The following HFM1 variants were observed in gnomAD, a reference collection of about 807,000 sequenced individuals.
HFM1 encodes the protein helicase for meiosis 1.
HFM1 carries 169 observed loss-of-function variants against 192.1 expected under a neutral mutation model. The observed-to-expected ratio is 0.88, with a 90% CI of 0.78 to 1.00. HFM1 has a LOEUF of 1.00. Ranked by LOEUF, HFM1 falls within the 50% of genes least tolerant of loss-of-function variation. The pLI, the probability that HFM1 is intolerant of heterozygous loss-of-function variation, is 0.00. For synonymous variants in HFM1, 525 were observed against 537.8 expected, an observed-to-expected ratio of 0.98 and a Z score of 0.33; for missense variants, 1,661 against 1,668.0, an observed-to-expected ratio of 1.00 and a Z score of 0.07.
chr1:91,313,385 G>A lies in HFM1; in HGVS notation c.3355C>T (p.His1119Tyr), dbSNP rs769522086. ...KSETQISHSK[H>Y]SDISTIAGPN... ...CCTGCTATTGTAGATATGTCTGAAT[G>A]TTTAGAATGGGAAATCTGTGTTTCA... is the stretch of plus-strand genomic sequence containing the variant. Residue 1119 changes from histidine (H) to tyrosine (Y), a missense_variant, in exon 30 of 39, where the codon CAT (histidine) becomes TAT (tyrosine). His to Tyr is a moderately conservative substitution (Grantham distance 83). Coordinates refer to ENST00000370425, the MANE Select transcript of HFM1 (RefSeq NM_001017975.6). The A allele has an allele frequency of 2.1e-5, 33 of 1,591,366 alleles. No homozygotes were observed. Among genetic ancestry groups the A allele is most frequent in the South Asian group, 4.5e-5 (4 of 88,624 alleles).
At chr1:91,297,128 C>A (rs1352474962) in intron 30 of HFM1, among the ~76,000 whole-genome samples, 1 of 152,206 alleles carries the variant, frequency 6.6e-6, no homozygotes, top group Non-Finnish European at 1.5e-5. Flanking sequence ...TAGCAAACGG[C>A]ACACCAGGAG....
intron 2 of HFM1, 139 bp from the exon 3 acceptor site, chr1:91,396,544 A>G (rs1663685396): frequency 3.9e-6 from 2 of 518,394 alleles, no homozygotes; most frequent in Admixed American, 7.1e-5. Flanking sequence ...ATTTATCCCT[A>G]TACAGCAGTG....
chr1:91,400,276 C>T (rs2102204869), intron 2 of HFM1, among the ~76,000 whole-genome samples: 1 of 152,288 alleles, frequency 6.6e-6, no homozygotes, highest in East Asian at 1.9e-4. Context: ...GGTCTCACAT[C>T]TTTATTCCCG....
In HFM1 at chr1:91,270,536, G is replaced by A. The variant is rs78340943; in HGVS notation, c.3773-2681C>T. 1.6e-3 allele frequency among the ~76,000 whole-genome samples: 240 copies of A among 151,460 alleles called. 3 individuals are homozygous for A. In the East Asian group the frequency reaches 0.023, roughly 15 times the overall value. ...TCAGTGATTAAAGACACGGGCTTGG[G>A]TGATACTGTATAGGAAAAGTTTTTG... On this transcript the variant is annotated intron_variant, in intron 34 of 38. Transcript: ENST00000370425.
chr1:91,349,949 T>TA (rs1656709782), intron 18 of HFM1, among the ~76,000 whole-genome samples: 1 of 152,208 alleles, frequency 6.6e-6, no homozygotes, highest in South Asian at 2.1e-4. Context: ...TACCAATGAT[T>TA]ACAGAACTAG....
chr1:91,379,280 G>A, intron 8 of HFM1, 66 bp from the exon 9 acceptor site: 1 of 1,304,462 alleles, frequency 7.7e-7, no homozygotes, highest in Non-Finnish European at 1.1e-6. Context: ...CACAAACTTT[G>A]GTTAATAAAG....
At chr1:91,392,849 T>C (rs960404246) in intron 4 of HFM1, among the ~76,000 whole-genome samples, 2 of 152,090 alleles carry the variant, frequency 1.3e-5, no homozygotes, top group African/African-American at 4.8e-5. Context: ...TTATATGAAA[T>C]GTTTAGAATA....
At position 91,323,136 on chromosome 1, in the gene HFM1, T is replaced by C. The variant is rs753599200; in HGVS notation, c.2491A>G (p.Thr831Ala). Residue 831 changes from threonine (T) to alanine (A), a missense_variant, in exon 22 of 39, where the codon ACA becomes GCA. Coordinates refer to ENST00000370425, the MANE Select transcript of HFM1 (RefSeq NM_001017975.6). ...GGATCTTTGTTCAAAGTATTCAGTG[T>C]TTTCTTTTCATTTATCCTTAACTGT... ...DIQLRINEKK[T>A]LNTLNKDPNR... is the part of the protein sequence containing the mutation. The C allele has an allele frequency of 6.3e-7, 1 of 1,594,534 alleles. No individual in the cohort carries two copies. The highest frequency in any genetic ancestry group is 8.6e-7 in the Non-Finnish European group (1 of 1,165,728).
chr1:91,373,216 A>G (rs1660474712), intron 13 of HFM1, among the ~76,000 whole-genome samples: 1 of 151,856 alleles, frequency 6.6e-6, no homozygotes, highest in Admixed American at 6.6e-5. Context: ...TCTTTGGTTG[A>G]CAAGCAACCA....
chr1:91,318,880 T>C (rs776857733), intron 25 of HFM1, among the ~76,000 whole-genome samples, 198 bp downstream of exon 25: 2 of 152,218 alleles, frequency 1.3e-5, no homozygotes, highest in Non-Finnish European at 2.9e-5. Flanking sequence ...TACTCATGTA[T>C]CATTCAGTTG....
At chr1:91,398,548 C>G (rs1663938100) in intron 2 of HFM1, among the ~76,000 whole-genome samples, 1 of 152,218 alleles carries the variant, frequency 6.6e-6, no homozygotes, top group Non-Finnish European at 1.5e-5. Context: ...CAAAATTCTT[C>G]AATGGCTTTC....
In HFM1 at chr1:91,343,406, T is replaced by C. The variant is rs749099197; in HGVS notation, c.2335+24A>G. 22 of 1,151,188 alleles carry C rather than the reference T, an allele frequency of 1.9e-5. No individual in the cohort carries two copies. In the South Asian group the frequency reaches 3.3e-4, roughly 17 times the overall value. The allele number at this position is 1,151,188 out of a possible 1,614,324, so 71.3% of individuals were successfully genotyped here. A position where few individuals can be genotyped will look rare whatever the true frequency, so the allele number is the denominator to read the frequency against. On this transcript the variant is annotated intron_variant, in intron 20 of 38. Transcript: ENST00000370425. ...AGTCTTAAGTAAACAATTGCTAAAT[T>C]TACTGACAATGATAAGAAATTACCA...
intron 20 of HFM1, among the ~76,000 whole-genome samples, chr1:91,338,483 C>T (rs894330028): frequency 6.6e-6 from 1 of 152,142 alleles, no homozygotes; most frequent in African/African-American, 2.4e-5. Context: ...ACTGGGGCAC[C>T]GCCTAGTGGC....
intron 4 of HFM1, among the ~76,000 whole-genome samples, chr1:91,392,392 T>C (rs1216792184): frequency 6.6e-6 from 1 of 152,194 alleles, no homozygotes; most frequent in Non-Finnish European, 1.5e-5. Flanking sequence ...GTGGCACATA[T>C]ACATCATGGA....
intron 35 of HFM1, among the ~76,000 whole-genome samples, chr1:91,266,607 A>G (rs1665788650): frequency 6.6e-6 from 1 of 152,208 alleles, no homozygotes; most frequent in Admixed American, 6.5e-5. Flanking sequence ...AGTTCACTCA[A>G]TATTTTCAGT....
Position 91,351,459 on chromosome 1 carries a change from T to G in HFM1, c.2072+90A>C. On this transcript the variant is annotated intron_variant, in intron 17 of 38. Coordinates refer to ENST00000370425, the MANE Select transcript of HFM1 (RefSeq NM_001017975.6). ...TACAGAAAATTGCCTTAAAAAAATCTCCAAACCAAATTTCCCTTTGATATT... is the reference window on the plus strand; with the variant it reads ...TACAGAAAATTGCCTTAAAAAAATCGCCAAACCAAATTTCCCTTTGATATT... 4 of 712,736 alleles carry G rather than the reference T, an allele frequency of 5.6e-6. No homozygotes were observed. In the South Asian group the frequency reaches 7.6e-5, roughly 14 times the overall value. 44.2% of individuals were successfully genotyped at this position (712,736 alleles called of 1,614,324 possible). A position where few individuals can be genotyped will look rare whatever the true frequency, so the allele number is the denominator to read the frequency against.
intron 25 of HFM1, among the ~76,000 whole-genome samples, chr1:91,317,356 G>A (rs1344799369): frequency 6.6e-6 from 1 of 152,180 alleles, no homozygotes; most frequent in Non-Finnish European, 1.5e-5. Flanking sequence ...GGAGGTTGCG[G>A]TGAGCCAAGA....
chr1:91,309,930 A>G (rs35305122), intron 30 of HFM1, among the ~76,000 whole-genome samples: 8,826 of 151,894 alleles, frequency 0.058, 278 homozygotes, highest in Non-Finnish European at 0.062. Flanking sequence ...AACTACTATC[A>G]TTTAAAAAAA....
At chr1:91,277,750 T>A (rs1485710397) in intron 30 of HFM1, among the ~76,000 whole-genome samples, 1 of 107,932 alleles carries the variant, frequency 9.3e-6, no homozygotes, top group African/African-American at 4.5e-5. Context: ...TATATATACT[T>A]TATATATAAT....
Sources: gnomAD v4.1 joint callset for allele counts (sites outside exome capture counted in the v4.1 genomes callset) on GRCh38, gnomAD v4.1.1 for gene constraint, MANE v1.5 for transcripts, NCBI Gene and HGNC (gene_info 2026-07-23, HGNC 2026-07-21) for gene names.